Variants in NSMAF observed in about 807,000 individuals in gnomAD.
NSMAF encodes the protein protein FAN.
NSMAF carries 90 observed loss-of-function variants against 134.9 expected under a neutral mutation model. That is an observed-to-expected ratio of 0.67 (90% CI 0.56 to 0.79). The LOEUF is 0.79. NSMAF is among the 30% of genes least tolerant of loss of function. The probability of loss-of-function intolerance (pLI) is 0.00; values close to 1 mark genes in which losing one functional copy is unlikely to be tolerated. For synonymous variants in NSMAF, 358 were observed against 389.6 expected, an observed-to-expected ratio of 0.92 and a Z score of 0.96; for missense variants, 1,010 against 1,119.0, an observed-to-expected ratio of 0.90 and a Z score of 1.39.
Position 58,583,909 on chromosome 8 carries a change from A to C in NSMAF, c.*197T>G. On this transcript the variant is annotated 3_prime_UTR_variant, in exon 31 of 31. Coordinates refer to ENST00000038176, the MANE Select transcript of NSMAF (RefSeq NM_003580.4). ...AACATGTTTTTCCTAACACAGCCGC[A>C]TTTTATCTGCCCTAAGAGAATAGCA... 4 of 580,422 alleles carry C rather than the reference A, an allele frequency of 6.9e-6. No homozygotes were observed. In the South Asian group the frequency reaches 7.9e-5, roughly 12 times the overall value. The allele number at this position is 580,422 out of a possible 1,614,324, so 36.0% of individuals were successfully genotyped here. A position where few individuals can be genotyped will look rare whatever the true frequency, so the allele number is the denominator to read the frequency against.
chr8:58,625,813 A>G (rs75794523), intron 6 of NSMAF, among the ~76,000 whole-genome samples: 12,156 of 152,180 alleles, frequency 0.08, 567 homozygotes, highest in African/African-American at 0.11. Context: ...TTGCCATTTT[A>G]ACTGTTTTCT....
chr8:58,634,126 A>G (rs1195962786), intron 5 of NSMAF, among the ~76,000 whole-genome samples: 1 of 152,156 alleles, frequency 6.6e-6, no homozygotes, highest in Non-Finnish European at 1.5e-5. Context: ...ATTAATAACG[A>G]TGTTTGGTCC....
intron 6 of NSMAF, among the ~76,000 whole-genome samples, chr8:58,627,999 T>C (rs1806974918): frequency 6.6e-6 from 1 of 152,184 alleles, no homozygotes; most frequent in Non-Finnish European, 1.5e-5. Context: ...TACAATGCTA[T>C]AGTTACCAAA....
intron 2 of NSMAF, among the ~76,000 whole-genome samples, chr8:58,639,700 A>G (rs1472066368): frequency 6.6e-6 from 1 of 152,218 alleles, no homozygotes; most frequent in East Asian, 1.9e-4. Flanking sequence ...TTTGGGATCA[A>G]TCTAAGTGTC....
chr8:58,597,361 A>G, intron 21 of NSMAF, 26 bp downstream of exon 21: 3 of 1,595,486 alleles, frequency 1.9e-6, no homozygotes, highest in Non-Finnish European at 2.6e-6. Context: ...AAAGGTGCTC[A>G]CGTTTATTCT....
Position 58,595,596 on chromosome 8 carries a change from T to A in NSMAF, c.1856A>T (p.Lys619Ile), listed in dbSNP as rs749686427. ...TTTATAGTGCTCGTGTAACTGCAGT[T>A]TGGTGATGTTATTCCAGGCCAGTGT... ...SKTLAWNNIT[K>I]LQLHEHYKIH... The change falls in exon 22 of 31, where the codon AAA (lysine) becomes ATA (isoleucine). Residue 619 changes from lysine to isoleucine, a missense_variant. Transcript: ENST00000038176. The A allele has an allele frequency of 6.2e-7, 1 of 1,614,042 alleles. No individual in the cohort carries two copies. The highest frequency in any genetic ancestry group is 8.5e-7 in the Non-Finnish European group (1 of 1,179,908).
At chr8:58,588,197 G>A (rs765564901) in intron 26 of NSMAF, among the ~76,000 whole-genome samples, 22 of 152,146 alleles carry the variant, frequency 1.4e-4, no homozygotes, top group Non-Finnish European at 1.8e-4. Context: ...GAAAGCTGGC[G>A]TGGTTTGTGT....
chr8:58,602,931 T>C (rs755717016), intron 13 of NSMAF, among the ~76,000 whole-genome samples: 4 of 152,200 alleles, frequency 2.6e-5, no homozygotes, highest in Non-Finnish European at 4.4e-5. Context: ...GTGGTACTTA[T>C]AGGTAATAAT....
At chr8:58,596,521 G>T (rs1806138324) in intron 21 of NSMAF, among the ~76,000 whole-genome samples, 1 of 152,170 alleles carries the variant, frequency 6.6e-6, no homozygotes, top group African/African-American at 2.4e-5. Context: ...TGAGAACTGG[G>T]TCAAGTTCAA....
intron 21 of NSMAF, 109 bp downstream of exon 21, chr8:58,597,278 A>G (rs1398678221): frequency 4.1e-6 from 4 of 980,782 alleles, no homozygotes; most frequent in Non-Finnish European, 6.2e-6. Context: ...GGAGAACACA[A>G]TCATCTCTAA....
chr8:58,599,228 A>G lies in NSMAF; in HGVS notation c.1585+4T>C, dbSNP rs770883195. 7 of 1,561,962 alleles carry G rather than the reference A, an allele frequency of 4.5e-6. No individual in the cohort carries two copies. Among genetic ancestry groups the G allele is most frequent in the Non-Finnish European group, 6.2e-6 (7 of 1,133,900 alleles). On this transcript the variant is annotated splice_donor_region_variant and intron_variant, in intron 19 of 30. Coordinates refer to ENST00000038176, the MANE Select transcript of NSMAF (RefSeq NM_003580.4). The stretch of plus-strand genomic sequence containing the variant: ...TAAATAAAATTTCAATGAATATTAC[A>G]TACCATTATGGGCCCCAACTGCATC...
chr8:58,605,832 A>G (rs1806392708), intron 12 of NSMAF, 95 bp downstream of exon 12: 2 of 1,306,566 alleles, frequency 1.5e-6, no homozygotes, highest in African/African-American at 1.6e-5. Flanking sequence ...GTGAGCCGAG[A>G]TCACGCCACT....
chr8:58,600,230 T>C (rs2129140919), intron 16 of NSMAF: 4 of 581,600 alleles, frequency 6.9e-6, no homozygotes, highest in Non-Finnish European at 1.2e-5. Context: ...CAGGGTCACA[T>C]GGCGGGAGTG....
intron 23 of NSMAF, among the ~76,000 whole-genome samples, chr8:58,593,134 A>G (rs887964674): frequency 6.6e-6 from 1 of 152,210 alleles, no homozygotes; most frequent in Non-Finnish European, 1.5e-5. Flanking sequence ...GTCTGAGGCT[A>G]TAATTTTTGG....
intron 23 of NSMAF, among the ~76,000 whole-genome samples, chr8:58,593,575 C>T (rs1420925990): frequency 6.6e-6 from 1 of 152,142 alleles, no homozygotes; most frequent in African/African-American, 2.4e-5. Context: ...TCTGCATCTT[C>T]CAGAGTGCCA....
At chr8:58,593,891 T>A (rs575961310) in intron 23 of NSMAF, among the ~76,000 whole-genome samples, 1 of 152,224 alleles carries the variant, frequency 6.6e-6, no homozygotes, top group Non-Finnish European at 1.5e-5. Context: ...CATCAATTTC[T>A]GATACAGCAC....
intron 28 of NSMAF, among the ~76,000 whole-genome samples, 190 bp from the exon 29 acceptor site, chr8:58,586,190 C>T (rs976341218): frequency 1.3e-5 from 2 of 152,078 alleles, no homozygotes; most frequent in African/African-American, 2.4e-5. Flanking sequence ...GATGAGATGA[C>T]CCTTTGATTA....
chr8:58,597,291 AGC>A, intron 21 of NSMAF, 94 bp downstream of exon 21: 1 of 1,077,230 alleles, frequency 9.3e-7, no homozygotes. Context: ...ATCTCTAAGT[AGC>A]ACAACAGTAT....
At chr8:58,618,570 T>C (rs56337961) in intron 9 of NSMAF, among the ~76,000 whole-genome samples, 4,818 of 151,736 alleles carry the variant, frequency 0.032, 95 homozygotes, top group Non-Finnish European at 0.044. Flanking sequence ...TATATACACA[T>C]ATATATATAA....
Sources: allele counts gnomAD v4.1 joint callset (sites outside exome capture counted in the v4.1 genomes callset), GRCh38; gene constraint gnomAD v4.1.1; transcripts MANE v1.5; gene names NCBI Gene and HGNC (gene_info 2026-07-23, HGNC 2026-07-21).